Variants in PCSK6 observed in about 807,000 individuals in gnomAD.
PCSK6 encodes the protein paired basic amino acid cleaving enzyme 4.
In PCSK6, 85 loss-of-function variants were observed where a neutral mutation model predicts 123.3. That is an observed-to-expected ratio of 0.69 (90% CI 0.58 to 0.83). PCSK6 has a LOEUF of 0.83. Among genes scored for constraint, PCSK6 ranks in the 40% least tolerant of loss-of-function variants. The pLI, the probability that PCSK6 is intolerant of heterozygous loss-of-function variation, is 0.00. For synonymous variants in PCSK6, 508 were observed against 516.0 expected (o/e 0.98, Z 0.21); for missense variants, 1,191 against 1,282.3 (o/e 0.93, Z 1.09).
chr15:101,340,214 C>T (rs1485088558), intron 13 of PCSK6, among the ~76,000 whole-genome samples: 3 of 152,100 alleles, frequency 2.0e-5, no homozygotes, highest in Non-Finnish European at 4.4e-5. Flanking sequence ...CCCACACTCA[C>T]GTACTTACCT....
intron 1 of PCSK6, among the ~76,000 whole-genome samples, chr15:101,477,711 T>G (rs2057768139): frequency 6.6e-6 from 1 of 152,246 alleles, no homozygotes. Context: ...CAGGCCATGC[T>G]ACCCTCTATG....
intron 1 of PCSK6, among the ~76,000 whole-genome samples, chr15:101,454,980 G>GAATGAATGAATAAATAAATAAATAAATA (rs1322359266): frequency 1.2e-4 from 12 of 97,880 alleles, no homozygotes; most frequent in African/African-American, 4.2e-4. Context: ...ATGAATGAAT[G>GAATGAATGAATAAATAAATAAATAAATA]AATAAATAAA....
intron 1 of PCSK6, chr15:101,463,038 A>G (rs754075568): frequency 2.2e-6 from 1 of 461,772 alleles, no homozygotes; most frequent in Admixed American, 2.3e-5. Context: ...GGTGGGTGAG[A>G]GTTCGCTGCC....
At chr15:101,440,358 A>G (rs569603031) in intron 2 of PCSK6, among the ~76,000 whole-genome samples, 5 of 152,386 alleles carry the variant, frequency 3.3e-5, no homozygotes, top group Admixed American at 2.0e-4. Flanking sequence ...CCGGTACAGG[A>G]TCAGTGCGAA....
At chr15:101,349,557 C>T (rs547880258) in intron 13 of PCSK6, among the ~76,000 whole-genome samples, 9 of 152,284 alleles carry the variant, frequency 5.9e-5, no homozygotes, top group Admixed American at 5.2e-4. Context: ...GGACCAATTC[C>T]TAAAGGCTGT....
At chr15:101,392,593 C>CTTTTTTTTGTTTTTTTTTT (rs2042265032) in intron 8 of PCSK6, among the ~76,000 whole-genome samples, 1 of 122,360 alleles carries the variant, frequency 8.2e-6, no homozygotes, top group African/African-American at 3.3e-5. Context: ...CTCCCTTCCT[C>CTTTTTTTTGTTTTTTTTTT]TTTTTTTTTT....
At chr15:101,441,592 G>A (rs1359068478) in intron 2 of PCSK6, among the ~76,000 whole-genome samples, 1 of 152,206 alleles carries the variant, frequency 6.6e-6, no homozygotes, top group Non-Finnish European at 1.5e-5. Flanking sequence ...AACAGAGGAT[G>A]TAGTCAAAAC....
At chr15:101,420,428 A>G (rs571483491) in intron 6 of PCSK6, among the ~76,000 whole-genome samples, 2 of 152,182 alleles carry the variant, frequency 1.3e-5, no homozygotes, top group East Asian at 3.9e-4. Context: ...TGACGCAATC[A>G]TGGCTCACTG....
At chr15:101,322,722 G>A (rs529021428) in intron 17 of PCSK6, 115 bp from the exon 18 acceptor site, 1 of 678,244 alleles carries the variant, frequency 1.5e-6, no homozygotes, top group South Asian at 1.7e-5. Context: ...TGTTCCCCGA[G>A]TCCACCTCCG....
At chr15:101,347,310 G>T in intron 13 of PCSK6, 1 of 1,234,566 alleles carries the variant, frequency 8.1e-7, no homozygotes, top group Non-Finnish European at 1.0e-6. Context: ...ATAAAACACA[G>T]ATCAAGATGG....
chr15:101,423,022 AAGAG>A (rs925123436), intron 6 of PCSK6, among the ~76,000 whole-genome samples: 9 of 151,564 alleles, frequency 5.9e-5, no homozygotes, highest in Non-Finnish European at 1.3e-4. Context: ...TATGCAAAGA[AAGAG>A]AAATACATGA....
chr15:101,402,558 TCAAA>T (rs1234234299), intron 6 of PCSK6, among the ~76,000 whole-genome samples: 3 of 152,098 alleles, frequency 2.0e-5, no homozygotes, highest in Non-Finnish European at 4.4e-5. Context: ...TACAATGAAC[TCAAA>T]CAAATTTACA....
chr15:101,480,372 G>A (rs1326654318), intron 1 of PCSK6, among the ~76,000 whole-genome samples: 3 of 152,270 alleles, frequency 2.0e-5, no homozygotes, highest in African/African-American at 7.2e-5. Flanking sequence ...CCTGTGGAGC[G>A]CAGCTTGTTT....
chr15:101,373,633 T>G (rs1458284816), intron 11 of PCSK6, among the ~76,000 whole-genome samples: 4 of 152,166 alleles, frequency 2.6e-5, no homozygotes, highest in Admixed American at 2.0e-4. Context: ...TGTGCTCAAA[T>G]TTTTCTGTAT....
chr15:101,368,624 C>T (rs2041473789), intron 12 of PCSK6, among the ~76,000 whole-genome samples: 1 of 152,302 alleles, frequency 6.6e-6, no homozygotes, highest in African/African-American at 2.4e-5. Flanking sequence ...TCACCTGGGC[C>T]TGCACCCAGC....
At chr15:101,454,396 G>A (rs954661468) in intron 1 of PCSK6, among the ~76,000 whole-genome samples, 4 of 152,166 alleles carry the variant, frequency 2.6e-5, no homozygotes, top group African/African-American at 9.7e-5. Flanking sequence ...TGGTTGAGTG[G>A]ATCGACAAAA....
chr15:101,472,525 G>A (rs1283764417), intron 1 of PCSK6, among the ~76,000 whole-genome samples: 1 of 152,230 alleles, frequency 6.6e-6, no homozygotes, highest in Non-Finnish European at 1.5e-5. Context: ...AATGACAGTG[G>A]CAAGTGCACA....
At chr15:101,471,207 T>G (rs1397259129) in intron 1 of PCSK6, among the ~76,000 whole-genome samples, 1 of 152,128 alleles carries the variant, frequency 6.6e-6, no homozygotes, top group African/African-American at 2.4e-5. Context: ...CAAAAGCAAA[T>G]GCCCCTGAAC....
chr15:101,377,879 T>C (rs2041798054), intron 11 of PCSK6, among the ~76,000 whole-genome samples: 1 of 152,204 alleles, frequency 6.6e-6, no homozygotes, highest in Non-Finnish European at 1.5e-5. Context: ...GTAAGCTCTG[T>C]CTGGACAGTA....
Sources: allele counts gnomAD v4.1 joint callset (sites outside exome capture counted in the v4.1 genomes callset), GRCh38; gene constraint gnomAD v4.1.1; transcripts MANE v1.5; gene names NCBI Gene and HGNC (gene_info 2026-07-23, HGNC 2026-07-21).